CCDC122: variants seen among roughly 807,000 people sequenced by gnomAD.
The protein encoded by CCDC122 is coiled-coil domain containing 122.
A neutral mutation model predicts 37.0 loss-of-function variants in CCDC122; 38 were observed. The observed-to-expected ratio is 1.03, with a 90% CI of 0.79 to 1.35. The LOEUF (loss-of-function observed/expected upper bound fraction) is 1.35. Ranked by LOEUF, CCDC122 falls within the 40% of genes most tolerant of loss-of-function variation. The pLI is 0.00. For missense variants in CCDC122, 305 were observed against 310.0 expected (o/e 0.98, Z 0.12); for synonymous variants, 83 against 95.6 (o/e 0.87, Z 0.77).
chr13:43,825,853 G>A (rs1252126038), intron 3 of CCDC122, among the ~76,000 whole-genome samples: 2 of 151,472 alleles, frequency 1.3e-5, no homozygotes, highest in Admixed American at 1.3e-4. Context: ...TCTGGGTCAT[G>A]GAATCACTAG....
chr13:43,836,621 C>T lies in CCDC122; in HGVS notation c.*659G>A, dbSNP rs1002502949. 6.6e-6 allele frequency: 1 copy of T among 151,538 alleles called. No individual in the cohort carries two copies. Among genetic ancestry groups the T allele is most frequent in the Non-Finnish European group, 1.5e-5 (1 of 67,876 alleles). 9.4% of individuals were successfully genotyped at this position (151,538 alleles called of 1,614,324 possible). On this transcript the variant is annotated 3_prime_UTR_variant, in exon 7 of 7. Coordinates refer to ENST00000444614, the MANE Select transcript of CCDC122 (RefSeq NM_144974.5). ...ATCCCAGCACTTTGGGAGGCCGAGG[C>T]GGGTGGATCATGAGGTCAGGAGATC...
intron 1 of CCDC122, among the ~76,000 whole-genome samples, chr13:43,875,985 A>G (rs1346932190): frequency 6.6e-6 from 1 of 152,218 alleles, no homozygotes; most frequent in Admixed American, 6.5e-5. Context: ...GGGCTACTTG[A>G]GACTCAGACC....
At chr13:43,849,843 C>A (rs140843258) in intron 6 of CCDC122, among the ~76,000 whole-genome samples, 1 of 152,130 alleles carries the variant, frequency 6.6e-6, no homozygotes, top group Admixed American at 6.5e-5. Context: ...AACTAAGGAG[C>A]CAGGAGTTTT....
At chr13:43,826,656 C>A (rs1250458767) in intron 3 of CCDC122, among the ~76,000 whole-genome samples, 1 of 152,014 alleles carries the variant, frequency 6.6e-6, no homozygotes, top group Non-Finnish European at 1.5e-5. Flanking sequence ...GTGCCATCAA[C>A]TAATAGGATA....
intron 6 of CCDC122, among the ~76,000 whole-genome samples, chr13:43,857,449 AGT>A (rs60383575): frequency 0.076 from 11,409 of 149,616 alleles, 429 homozygotes; most frequent in Non-Finnish European, 0.088. Context: ...AATACTTAGA[AGT>A]GTGTGTGTGT....
intron 4 of CCDC122, among the ~76,000 whole-genome samples, chr13:43,864,283 T>C (rs1954204853): frequency 6.6e-6 from 1 of 152,214 alleles, no homozygotes; most frequent in South Asian, 2.1e-4. Flanking sequence ...GAAAGATATT[T>C]GGTCTTTGTT....
At chr13:43,861,938 T>A (rs571897878) in intron 4 of CCDC122, among the ~76,000 whole-genome samples, 1 of 152,264 alleles carries the variant, frequency 6.6e-6, no homozygotes, top group Admixed American at 6.5e-5. Flanking sequence ...CCCCACAACC[T>A]ATTTCTCATC....
At chr13:43,843,753 C>A (rs183234769) in intron 6 of CCDC122, among the ~76,000 whole-genome samples, 31 of 151,856 alleles carry the variant, frequency 2.0e-4, no homozygotes, top group African/African-American at 6.8e-4. Context: ...CTACCTCACA[C>A]CATTCATAAA....
intron 4 of CCDC122, among the ~76,000 whole-genome samples, chr13:43,868,202 T>G (rs1178127790): frequency 6.6e-6 from 1 of 152,154 alleles, no homozygotes; most frequent in African/African-American, 2.4e-5. Context: ...TTAGTCATAT[T>G]CACATAGTAT....
chr13:43,866,564 A>C (rs1594853478), intron 4 of CCDC122, among the ~76,000 whole-genome samples: 1 of 152,214 alleles, frequency 6.6e-6, no homozygotes, highest in African/African-American at 2.4e-5. Flanking sequence ...TCTGTTTCAT[A>C]AAAATGATAT....
intron 4 of CCDC122, among the ~76,000 whole-genome samples, chr13:43,860,742 C>A (rs1053110333): frequency 5.3e-5 from 8 of 152,144 alleles, no homozygotes; most frequent in African/African-American, 1.7e-4. Flanking sequence ...TTCTCACTCT[C>A]TATATATGCT....
intron 6 of CCDC122, among the ~76,000 whole-genome samples, chr13:43,852,552 G>A (rs1031707104): frequency 1.5e-4 from 23 of 152,014 alleles, no homozygotes; most frequent in African/African-American, 5.3e-4. Context: ...AACCAACTTG[G>A]AAAACATATT....
chr13:43,859,622 GC>G, intron 5 of CCDC122, 49 bp downstream of exon 5: 1 of 1,351,150 alleles, frequency 7.4e-7, no homozygotes, highest in South Asian at 1.7e-5. Flanking sequence ...GTATGTACTT[GC>G]AAAAAAGGAG....
chr13:43,837,834 A>G (rs73463593), intron 6 of CCDC122, among the ~76,000 whole-genome samples: 7,441 of 152,158 alleles, frequency 0.049, 369 homozygotes, highest in African/African-American at 0.12. Flanking sequence ...GTTAAACTAA[A>G]TTTGCCCTGG....
chr13:43,869,758 C>T (rs764731126), intron 2 of CCDC122, among the ~76,000 whole-genome samples: 19 of 152,018 alleles, frequency 1.2e-4, no homozygotes, highest in Admixed American at 2.0e-4. Flanking sequence ...ACCTGATATA[C>T]ACTGCATAAT....
chr13:43,857,013 TCAC>T, intron 6 of CCDC122, among the ~76,000 whole-genome samples: 1 of 152,300 alleles, frequency 6.6e-6, no homozygotes, highest in African/African-American at 2.4e-5. Flanking sequence ...CAATTTACAT[TCAC>T]AAGAATACTG....
downstream of CCDC122, among the ~76,000 whole-genome samples, chr13:43,833,157 T>C (rs1488295596): frequency 1.1e-4 from 16 of 152,200 alleles, no homozygotes; most frequent in Admixed American, 1.0e-3. Context: ...GATATCAATT[T>C]CTTTACATTG....
chr13:43,843,050 A>G (rs1953408245), intron 6 of CCDC122, among the ~76,000 whole-genome samples: 1 of 152,084 alleles, frequency 6.6e-6, no homozygotes, highest in Non-Finnish European at 1.5e-5. Flanking sequence ...CCTCCAGAAT[A>G]ATGATGCATA....
intron 6 of CCDC122, chr13:43,854,435 G>C (rs116823739): frequency 6.6e-6 from 1 of 152,032 alleles, no homozygotes; most frequent in African/African-American, 2.4e-5. Context: ...GGAAGAAATC[G>C]AATCTCTGAA....
Sources: allele counts gnomAD v4.1 joint callset (sites outside exome capture counted in the v4.1 genomes callset), GRCh38; gene constraint gnomAD v4.1.1; transcripts MANE v1.5; gene names NCBI Gene and HGNC (gene_info 2026-07-23, HGNC 2026-07-21).